FGF13: variants seen among roughly 807,000 people sequenced by gnomAD.
FGF13 encodes the protein fibroblast growth factor 13, also known as fibroblast growth factor homologous factor 2.
Under a neutral mutation model 19.5 loss-of-function variants are expected in FGF13, and 2 were observed. The ratio of observed to expected loss-of-function variants is 0.10; its 90% confidence interval spans 0.04 to 0.32. FGF13 has a LOEUF of 0.32. Among genes scored for constraint, FGF13 ranks in the 10% least tolerant of loss-of-function variants. The pLI is 1.00. For missense variants in FGF13, 113 were observed against 192.7 expected (o/e 0.59, Z 2.45); for synonymous variants, 72 against 76.9 (o/e 0.94, Z 0.33).
chrX:139,125,904 C>G (rs1456523738), intron 1 of FGF13, among the ~76,000 whole-genome samples: 1 of 111,656 alleles, frequency 9.0e-6, no homozygotes, highest in African/African-American at 3.3e-5. Flanking sequence ...ATGCCATATC[C>G]CATGTACACC....
rs2089035545 is a variant in FGF13, at chrX:138,624,024, AC to A, written c.*8825del. On this transcript the variant is annotated 3_prime_UTR_variant, in exon 5 of 5. Transcript: ENST00000315930. The stretch of plus-strand genomic sequence containing the variant: ...ATGTTGATACTAACCAAAGTGATCT[AC>A]AGAGTCAATGCAAGCACTATCAAAA... The A allele has an allele frequency of 8.9e-6, 1 of 111,997 alleles. No individual in the cohort carries two copies. Among genetic ancestry groups the A allele is most frequent in the African/African-American group, 3.2e-5 (1 of 30,853 alleles). 9.2% of individuals were successfully genotyped at this position (111,997 alleles called of 1,213,427 possible).
rs2088958421 is a variant in FGF13 at position 138,615,263 on chromosome X, C to G, written c.*17587G>C. ...CTGTGGATTATACAGATGCCAATTTCTTGGTTTATATATGATACTGCAGTT... is the reference window on the plus strand; with the variant it reads ...CTGTGGATTATACAGATGCCAATTTGTTGGTTTATATATGATACTGCAGTT... On this transcript the variant is annotated 3_prime_UTR_variant, in exon 5 of 5. Transcript: ENST00000315930. 1 of 111,852 alleles carries G rather than the reference C, an allele frequency of 8.9e-6. No homozygotes were observed. The highest frequency in any genetic ancestry group is 1.9e-5 in the Non-Finnish European group (1 of 53,140). The allele number at this position is 111,852 out of a possible 1,213,427, so 9.2% of individuals were successfully genotyped here. A position where few individuals can be genotyped will look rare whatever the true frequency, so the allele number is the denominator to read the frequency against.
intron 1 of FGF13, among the ~76,000 whole-genome samples, chrX:139,055,739 C>T (rs1305823274): frequency 8.9e-6 from 1 of 112,569 alleles, no homozygotes; most frequent in Non-Finnish European, 1.9e-5. Context: ...TGGGGCATTG[C>T]CCCATAAGCT....
At chrX:139,084,532 A>G (rs2083391741) in intron 1 of FGF13, among the ~76,000 whole-genome samples, 1 of 111,691 alleles carries the variant, frequency 9.0e-6, no homozygotes, top group Admixed American at 9.5e-5. Flanking sequence ...GATCTGGGTC[A>G]GTGGAGCCGC....
At chrX:138,818,340 C>T (rs1046798123) in intron 3 of FGF13, among the ~76,000 whole-genome samples, 2 of 110,408 alleles carry the variant, frequency 1.8e-5, no homozygotes, top group East Asian at 2.8e-4. Flanking sequence ...CCACTACTTA[C>T]GGTATCTCAG....
chrX:138,934,104 T>G (rs1176694715), intron 1 of FGF13, among the ~76,000 whole-genome samples: 1 of 112,239 alleles, frequency 8.9e-6, no homozygotes, highest in Non-Finnish European at 1.9e-5. Flanking sequence ...GCTTTAACTT[T>G]CAAGAGCTAA....
intron 3 of FGF13, among the ~76,000 whole-genome samples, chrX:138,775,016 G>C (rs752436877): frequency 1.8e-5 from 2 of 112,584 alleles, no homozygotes; most frequent in Non-Finnish European, 3.8e-5. Flanking sequence ...CTGGGGTGCA[G>C]TGGTGCAATC....
chrX:139,072,987 T>C (rs1014736612), intron 1 of FGF13, among the ~76,000 whole-genome samples: 1 of 111,860 alleles, frequency 8.9e-6, no homozygotes, highest in African/African-American at 3.2e-5. Flanking sequence ...ATCATCATTT[T>C]TTTCTAGAAG....
intron 1 of FGF13, among the ~76,000 whole-genome samples, chrX:139,062,129 A>T (rs1356946739): frequency 9.0e-6 from 1 of 111,407 alleles, no homozygotes; most frequent in Non-Finnish European, 1.9e-5. Flanking sequence ...TATCCAAAAA[A>T]ATCATTTCCC....
chrX:138,970,984 TAAC>T (rs2091913139), intron 1 of FGF13, among the ~76,000 whole-genome samples: 1 of 111,915 alleles, frequency 8.9e-6, no homozygotes, highest in African/African-American at 3.3e-5. Flanking sequence ...TCTCCGCAGT[TAAC>T]AAAGATTAAG....
chrX:138,800,249 G>A (rs1485028344), intron 3 of FGF13, among the ~76,000 whole-genome samples: 1 of 111,863 alleles, frequency 8.9e-6, no homozygotes, highest in African/African-American at 3.3e-5. Context: ...TCCTTCAGGA[G>A]CTCCTGTAAG....
At position 138,790,043 on chromosome X, in the gene FGF13, C is replaced by CAAAAAAAA. The variant is rs764151731; in HGVS notation, c.217+67461_217+67468dup. 1.4e-4 allele frequency among the ~76,000 whole-genome samples: 4 copies of CAAAAAAAA among 29,167 alleles called. 1 individual carries two copies. The highest frequency in any genetic ancestry group is 4.5e-4 in the African/African-American group (4 of 8,902). The allele number at this position is 29,167 out of a possible 115,157, so 25.3% of individuals were successfully genotyped here. ...CTGGGTGACAGAGCGAGACTCCATT[C>CAAAAAAAA]AAAAAAAAAAAAAAAAAAAAAAAAA... On this transcript the variant is annotated intron_variant, in intron 3 of 6. Transcript: ENST00000436198.
At chrX:139,008,068 A>C (rs188680653) in intron 1 of FGF13, among the ~76,000 whole-genome samples, 76 of 112,301 alleles carry the variant, frequency 6.8e-4, no homozygotes, top group African/African-American at 2.2e-3. Context: ...GACCGAGCAG[A>C]TGCAGCTATA....
At chrX:138,815,967 C>G (rs1049136025) in intron 3 of FGF13, among the ~76,000 whole-genome samples, 3 of 110,378 alleles carry the variant, frequency 2.7e-5, no homozygotes, top group African/African-American at 9.9e-5. Context: ...AATCTGACTA[C>G]ATAGCAACAA....
intron 3 of FGF13, among the ~76,000 whole-genome samples, chrX:138,746,304 G>T (rs1175009179): frequency 9.1e-6 from 1 of 110,448 alleles, no homozygotes; most frequent in East Asian, 2.9e-4. Context: ...TAGGATATAG[G>T]GAGCTCTCTT....
chrX:138,714,654 C>CGT (rs1661678432), upstream of FGF13: 4 of 110,973 alleles, frequency 3.6e-5, no homozygotes, highest in African/African-American at 1.3e-4. Flanking sequence ...CACGCACACA[C>CGT]GCGCGCGCAC....
At chrX:138,747,404 TG>T (rs1169672197) in intron 3 of FGF13, among the ~76,000 whole-genome samples, 1 of 112,014 alleles carries the variant, frequency 8.9e-6, no homozygotes, top group East Asian at 2.8e-4. Context: ...AAAGGTCCTG[TG>T]ATCAGTGAGT....
At chrX:138,970,252 G>A (rs2091910077) in intron 1 of FGF13, among the ~76,000 whole-genome samples, 1 of 111,465 alleles carries the variant, frequency 9.0e-6, no homozygotes, top group African/African-American at 3.3e-5. Flanking sequence ...ACAATGTCTG[G>A]CACATGGTTG....
At chrX:139,006,013 T>G (rs2092099890) in intron 1 of FGF13, among the ~76,000 whole-genome samples, 1 of 111,006 alleles carries the variant, frequency 9.0e-6, no homozygotes, top group African/African-American at 3.3e-5. Context: ...GTAGAAAGTT[T>G]ATTCAAAGGG....
Sources: gnomAD v4.1 joint callset for allele counts (sites outside exome capture counted in the v4.1 genomes callset) on GRCh38, gnomAD v4.1.1 for gene constraint, MANE v1.5 for transcripts, NCBI Gene and HGNC (gene_info 2026-07-23, HGNC 2026-07-21) for gene names.